Variants in CEP76 observed in about 807,000 individuals in gnomAD.
CEP76 encodes the protein centrosomal protein of 76 kDa.
Under a neutral mutation model 83.3 loss-of-function variants are expected in CEP76, and 55 were observed. The observed-to-expected ratio is 0.66, with a 90% CI of 0.53 to 0.83. The LOEUF (loss-of-function observed/expected upper bound fraction) is 0.83. CEP76 is among the 40% of genes least tolerant of loss of function. The pLI is 0.00. For missense variants in CEP76, 694 were observed against 799.5 expected (o/e 0.87, Z 1.59); for synonymous variants, 270 against 274.5 (o/e 0.98, Z 0.16).
rs772924378 is a variant in CEP76, at chr18:12,678,365, A to G, written c.1367T>C (p.Ile456Thr). 1.2e-6 allele frequency: 2 copies of G among 1,613,944 alleles called. No homozygotes were observed. The highest frequency in any genetic ancestry group is 1.7e-5 in the Admixed American group (1 of 59,990). ...CATCTGATGGTTGAAAACACAACCA[A>G]TTGTTCGATATGGGTACAGTGGTTT... ...QPKPLYPYRT[I>T]GCVFNHQMFL... The change falls in exon 10 of 12, where the codon ATT (isoleucine) becomes ACT (threonine). Residue 456 changes from isoleucine (I) to threonine (T), a missense_variant. Coordinates refer to ENST00000262127, the MANE Select transcript of CEP76 (RefSeq NM_024899.4).
At chr18:12,662,923 T>G (rs1230815406) in intron 12 of CEP76, among the ~76,000 whole-genome samples, 1 of 152,208 alleles carries the variant, frequency 6.6e-6, no homozygotes, top group Non-Finnish European at 1.5e-5. Context: ...GTGATTCTCC[T>G]TTAAGATAAT....
downstream of CEP76, among the ~76,000 whole-genome samples, chr18:12,669,632 T>C (rs1384721519): frequency 1.3e-5 from 2 of 152,176 alleles, no homozygotes; most frequent in African/African-American, 4.8e-5. Flanking sequence ...AGACATTATG[T>C]TTTTTAAACT....
downstream of CEP76, among the ~76,000 whole-genome samples, chr18:12,672,375 C>CAA (rs1373106858): frequency 1.3e-5 from 2 of 152,256 alleles, no homozygotes; most frequent in East Asian, 3.9e-4. Context: ...CTCGGCCTCC[C>CAA]AAAGTGCTGG....
At chr18:12,694,850 A>G (rs1428327724) in intron 6 of CEP76, among the ~76,000 whole-genome samples, 1 of 150,358 alleles carries the variant, frequency 6.7e-6, no homozygotes, top group Admixed American at 6.6e-5. Context: ...AGCTGGTACT[A>G]CAGGTGCCTG....
chr18:12,678,193 A>G lies in CEP76; in HGVS notation c.1539T>C (p.Pro513=), dbSNP rs750097953. 3 of 1,614,194 alleles carry G rather than the reference A, an allele frequency of 1.9e-6. No individual in the cohort carries two copies. Among genetic ancestry groups the G allele is most frequent in the Admixed American group, 1.7e-5 (1 of 60,008 alleles). ...ACGCGTCAATTGTGGATGCACACAGAGGTGGAAAGGGAGGAAGGGATGTTG... is the reference window on the plus strand; with the variant it reads ...ACGCGTCAATTGTGGATGCACACAGGGGTGGAAAGGGAGGAAGGGATGTTG... ...GATTSLPPFP[P]LCASTIDASV... is the part of the protein sequence containing the mutation. The change falls in exon 10 of 12, where the codon CCT becomes CCC. Residue 513 remains proline, a synonymous_variant. Transcript: ENST00000262127.
chr18:12,670,002 AAAAAG>A (rs543401096), downstream of CEP76, among the ~76,000 whole-genome samples: 1,362 of 151,388 alleles, frequency 9.0e-3, 29 homozygotes, highest in African/African-American at 0.032. Context: ...TCTCAAAAAA[AAAAAG>A]AAAAGAAAAA....
chr18:12,696,270 C>T (rs1207137449), intron 5 of CEP76, among the ~76,000 whole-genome samples: 4 of 152,064 alleles, frequency 2.6e-5, no homozygotes, highest in African/African-American at 7.2e-5. Context: ...TTTGGGAGGC[C>T]GAGGCGGGCA....
Position 12,686,425 on chromosome 18 carries a change from A to G in CEP76, c.959T>C (p.Val320Ala), listed in dbSNP as rs1231560051. ...TCGAAGTGGTTTAACATAGGAACAG[A>G]CTGGTCTATTTATCCCATTTTCATC... ...AQDENGINRP[V>A]CSYVKPLRAG... The change falls in exon 8 of 12, where the codon GTC becomes GCC. Residue 320 changes from valine to alanine, a missense_variant. By Grantham distance (64) the Val-to-Ala change is moderately conservative (BLOSUM62 0). Transcript: ENST00000262127. 6.8e-6 allele frequency: 11 copies of G among 1,613,272 alleles called. No individual in the cohort carries two copies. The highest frequency in any genetic ancestry group is 5.0e-5 in the Admixed American group (3 of 59,858).
At chr18:12,669,132 TGA>T (rs1434326767), downstream of CEP76, among the ~76,000 whole-genome samples, 1 of 141,260 alleles carries the variant, frequency 7.1e-6, no homozygotes, top group Non-Finnish European at 1.6e-5. Context: ...TCTTTTTTTT[TGA>T]GACAGAGTTT....
At chr18:12,691,195 C>G (rs2039748204) in intron 7 of CEP76, 164 bp downstream of exon 7, 7 of 459,324 alleles carry the variant, frequency 1.5e-5, no homozygotes, top group Non-Finnish European at 2.6e-5. Context: ...GATCTTGCCA[C>G]TCACTATGCA....
At chr18:12,668,534 G>A (rs1250831183), downstream of CEP76, among the ~76,000 whole-genome samples, 1 of 135,782 alleles carries the variant, frequency 7.4e-6, no homozygotes, top group Admixed American at 8.4e-5. Flanking sequence ...GGAGGTAGAG[G>A]TTGCAGGGAG....
rs752722510 is a variant in CEP76, at chr18:12,673,506, A to G, written c.1842-3T>C. 2.6e-6 allele frequency: 4 copies of G among 1,565,990 alleles called. No homozygotes were observed. The highest frequency in any genetic ancestry group is 2.8e-5 in the African/African-American group (2 of 71,028). ...TTATTTCTTCACAGAAAGGAGATCT[A>G]TTTAAGAAAAAAAAAATTATTCAAT... is the stretch of plus-strand genomic sequence containing the variant. On this transcript the variant is annotated splice_region_variant and splice_polypyrimidine_tract_variant and intron_variant, in intron 11 of 11. Transcript: ENST00000262127.
At chr18:12,686,775 G>A (rs946654743) in intron 7 of CEP76, 1 of 184,478 alleles carries the variant, frequency 5.4e-6, no homozygotes, top group Non-Finnish European at 1.1e-5. Flanking sequence ...GGGAGGGAGA[G>A]GTGCTCTAAG....
intron 8 of CEP76, chr18:12,684,595 C>T (rs2039473349): frequency 6.6e-6 from 1 of 152,026 alleles, no homozygotes; most frequent in Non-Finnish European, 1.5e-5. Flanking sequence ...ATTCTCCTGC[C>T]TCAGCCTCCC....
At chr18:12,668,597 CAAAAAAAAAAAAAAAAAAA>C (rs752216074), downstream of CEP76, among the ~76,000 whole-genome samples, 20 of 72,830 alleles carry the variant, frequency 2.7e-4, no homozygotes, top group Admixed American at 9.2e-4. Flanking sequence ...GATTCCATCT[CAAAAAAAAAAAAAAAAAAA>C]AAAAAAAAAA....
In CEP76 at chr18:12,699,063, GT is replaced by G; in HGVS notation, c.435del (p.Gln145HisfsTer44). 1.2e-6 allele frequency: 2 copies of G among 1,613,942 alleles called. No individual in the cohort carries two copies. Among genetic ancestry groups the G allele is most frequent in the Non-Finnish European group, 1.7e-6 (2 of 1,179,904 alleles). On this transcript the variant is annotated frameshift_variant, in exon 4 of 12. Transcript: ENST00000262127. LOFTEE classifies it high-confidence loss of function. ...CATGGAACAGGTTTAGAACGAAAAC[GT>G]TGGTTTCGATAATGTAAACATAAAG... ...TFTLCLHYRNQRFRSKPVPCA... is the reference protein window; with the variant it reads ...TFTLCLHYRNXRFRSKPVPCA...
intron 7 of CEP76, among the ~76,000 whole-genome samples, chr18:12,688,637 A>G (rs749903168): frequency 6.6e-6 from 1 of 152,204 alleles, no homozygotes; most frequent in Non-Finnish European, 1.5e-5. Context: ...TGAAAAGTTA[A>G]TATTTCAACC....
chr18:12,674,896 G>A, intron 10 of CEP76, 143 bp from the exon 11 acceptor site: 2 of 493,118 alleles, frequency 4.1e-6, no homozygotes, highest in Non-Finnish European at 3.4e-6. Context: ...ATAATTATAG[G>A]GATACATAGA....
intron 7 of CEP76, among the ~76,000 whole-genome samples, chr18:12,688,721 T>C (rs2039635320): frequency 6.6e-6 from 1 of 152,188 alleles, no homozygotes; most frequent in Admixed American, 6.6e-5. Context: ...AAATTTAAAA[T>C]TCAATTATTT....
Sources: gnomAD v4.1 joint callset for allele counts (sites outside exome capture counted in the v4.1 genomes callset) on GRCh38, gnomAD v4.1.1 for gene constraint, MANE v1.5 for transcripts, NCBI Gene and HGNC (gene_info 2026-07-23, HGNC 2026-07-21) for gene names.